Variants in MCMDC2 observed in about 807,000 individuals in gnomAD.
MCMDC2 encodes minichromosome maintenance domain-containing protein 2.
A neutral mutation model predicts 75.8 loss-of-function variants in MCMDC2; 54 were observed. The observed-to-expected ratio is 0.71, with a 90% CI of 0.57 to 0.89. The LOEUF (loss-of-function observed/expected upper bound fraction) is 0.89, where lower values mean the gene tolerates loss of function less well. Ranked by LOEUF, MCMDC2 falls within the 40% of genes least tolerant of loss-of-function variation. MCMDC2 has a pLI of 0.00. For missense variants in MCMDC2, 656 were observed against 780.4 expected, an observed-to-expected ratio of 0.84 and a Z score of 1.90; for synonymous variants, 249 against 274.6, an observed-to-expected ratio of 0.91 and a Z score of 0.92.
rs374884322 is a variant in MCMDC2, at chr8:66,905,265, G to A, written c.1809G>A (p.Arg603=). Residue 603 remains arginine, a synonymous_variant, in exon 14 of 15, where the codon AGG becomes AGA. Coordinates refer to ENST00000422365, the MANE Select transcript of MCMDC2 (RefSeq NM_173518.5). ...AAGCCCATGCACGACTGAACTTAAG[G>A]AACAAAGTGCTTAAAGAAGATGTGC... ...LSEAHARLNL[R]NKVLKEDVLI... 8.9e-5 allele frequency: 133 copies of A among 1,499,008 alleles called. No homozygotes were observed. The highest frequency in any genetic ancestry group is 1.1e-4 in the Non-Finnish European group (128 of 1,120,928). The allele number at this position is 1,499,008 out of a possible 1,614,324, so 92.9% of individuals were successfully genotyped here.
At position 66,921,611 on chromosome 8, in the gene MCMDC2, TTACATG is replaced by T. The variant is rs1256240076; in HGVS notation, c.*2446_*2451del. Reference sequence around the variant, plus strand: ...CTTAACATAGCATATTGCTTAGTTATTACATGTACTAGTATTAGGATGACTTTTTTG... The same window carrying T: ...CTTAACATAGCATATTGCTTAGTTATTACTAGTATTAGGATGACTTTTTTG... On this transcript the variant is annotated 3_prime_UTR_variant, in exon 15 of 15. Coordinates refer to ENST00000422365, the MANE Select transcript of MCMDC2 (RefSeq NM_173518.5). The T allele has an allele frequency of 2.0e-5, 3 of 152,226 alleles. No individual in the cohort carries two copies. Among genetic ancestry groups the T allele is most frequent in the African/African-American group, 7.2e-5 (3 of 41,456 alleles). 9.4% of individuals were successfully genotyped at this position (152,226 alleles called of 1,614,324 possible). A position where few individuals can be genotyped will look rare whatever the true frequency, so the allele number is the denominator to read the frequency against.
At chr8:66,906,709 T>C (rs1385495377) in intron 14 of MCMDC2, among the ~76,000 whole-genome samples, 1 of 151,912 alleles carries the variant, frequency 6.6e-6, no homozygotes, top group Admixed American at 6.6e-5. Flanking sequence ...GATATATATA[T>C]GTTTTTCATT....
intron 9 of MCMDC2, among the ~76,000 whole-genome samples, chr8:66,889,975 CATA>C (rs1170753668): frequency 7.2e-5 from 11 of 152,034 alleles, no homozygotes; most frequent in Admixed American, 2.0e-4. Flanking sequence ...GAAAGCAATC[CATA>C]AAAAGAAGAA....
At chr8:66,879,024 G>C (rs887965130) in intron 7 of MCMDC2, 105 bp downstream of exon 7, 1 of 707,384 alleles carries the variant, frequency 1.4e-6, no homozygotes, top group Non-Finnish European at 2.5e-6. Context: ...TGGAGGCTGA[G>C]GTGGGAGGAT....
chr8:66,902,710 AAATATAT>A (rs1233997089), intron 13 of MCMDC2, among the ~76,000 whole-genome samples: 8 of 115,446 alleles, frequency 6.9e-5, no homozygotes, highest in East Asian at 5.3e-4. Context: ...AAAAAAAAAA[AAATATAT>A]ATATATATAT....
At chr8:66,910,733 C>T (rs1356520173) in intron 14 of MCMDC2, among the ~76,000 whole-genome samples, 2 of 151,720 alleles carry the variant, frequency 1.3e-5, no homozygotes, top group Non-Finnish European at 2.9e-5. Flanking sequence ...CGCTTGAACC[C>T]GGGAGACGGA....
At chr8:66,887,738 A>G (rs1217819941) in intron 9 of MCMDC2, among the ~76,000 whole-genome samples, 3 of 152,294 alleles carry the variant, frequency 2.0e-5, no homozygotes, top group South Asian at 2.1e-4. Flanking sequence ...AGAGATTGGT[A>G]GGAGGTATGA....
chr8:66,920,612 T>C lies in MCMDC2; in HGVS notation c.*1443T>C, dbSNP rs549958131. The C allele has an allele frequency of 6.6e-6, 1 of 152,222 alleles. No individual in the cohort carries two copies. Among genetic ancestry groups the C allele is most frequent in the East Asian group, 1.9e-4 (1 of 5,206 alleles). The allele number at this position is 152,222 out of a possible 1,614,324, so 9.4% of individuals were successfully genotyped here. A position where few individuals can be genotyped will look rare whatever the true frequency, so the allele number is the denominator to read the frequency against. On this transcript the variant is annotated 3_prime_UTR_variant, in exon 15 of 15. Transcript: ENST00000422365. ...TCTCAAATACTACATTTCAAACATG[T>C]CTGGCTCTCTATGGGGGGAAGGCAA...
intron 12 of MCMDC2, among the ~76,000 whole-genome samples, chr8:66,899,216 T>A (rs1563382284): frequency 6.6e-6 from 1 of 152,168 alleles, no homozygotes; most frequent in Non-Finnish European, 1.5e-5. Flanking sequence ...TATAATGTCC[T>A]CCCCGACTTC....
At chr8:66,900,245 T>G (rs1244670773) in intron 12 of MCMDC2, among the ~76,000 whole-genome samples, 1 of 152,098 alleles carries the variant, frequency 6.6e-6, no homozygotes, top group Non-Finnish European at 1.5e-5. Context: ...GAGACCAGCC[T>G]GGCCAACATA....
rs1291639225 is a variant in MCMDC2, at chr8:66,877,604, C to A, written c.481+60C>A. On this transcript the variant is annotated intron_variant, in intron 5 of 14. Coordinates refer to ENST00000422365, the MANE Select transcript of MCMDC2 (RefSeq NM_173518.5). Reference sequence around the variant, plus strand: ...AATTGGCTAGGCATGGTGGCTCACACCTGTAATCCCTGCACTTTGGGAAGC... The same window carrying A: ...AATTGGCTAGGCATGGTGGCTCACAACTGTAATCCCTGCACTTTGGGAAGC... 1.1e-5 allele frequency: 14 copies of A among 1,233,444 alleles called. No individual in the cohort carries two copies. The Admixed American group carries it at 3.6e-4, about 31-fold the overall frequency. 76.4% of individuals were successfully genotyped at this position (1,233,444 alleles called of 1,614,324 possible). A position where few individuals can be genotyped will look rare whatever the true frequency, so the allele number is the denominator to read the frequency against.
In MCMDC2 at chr8:66,877,446, A is replaced by T; in HGVS notation, c.383A>T (p.Tyr128Phe). ...FPLDYTSQRF[Y>F]MMQGIVIAMT... Reference sequence around the variant, plus strand: ...CTTGATTATACATCTCAGAGATTTTATATGATGCAAGGAATTGTGATTGCA... The same window carrying T: ...CTTGATTATACATCTCAGAGATTTTTTATGATGCAAGGAATTGTGATTGCA... The change falls in exon 5 of 15, where the codon TAT becomes TTT. Residue 128 changes from tyrosine to phenylalanine, a missense_variant. By Grantham distance (22) the Tyr-to-Phe change is conservative (BLOSUM62 3). Transcript: ENST00000422365. The T allele has an allele frequency of 3.1e-6, 5 of 1,613,174 alleles. No homozygotes were observed. The highest frequency in any genetic ancestry group is 4.2e-6 in the Non-Finnish European group (5 of 1,179,512).
intron 10 of MCMDC2, among the ~76,000 whole-genome samples, chr8:66,894,543 T>C (rs1475507853): frequency 2.6e-5 from 4 of 152,222 alleles, no homozygotes; most frequent in Admixed American, 6.5e-5. Flanking sequence ...TCCACTGTCC[T>C]GGTAAAAACA....
chr8:66,919,166 A>G lies in MCMDC2; in HGVS notation c.2043A>G (p.Glu681=), dbSNP rs1456368437. 2 of 1,535,908 alleles carry G rather than the reference A, an allele frequency of 1.3e-6. No homozygotes were observed. Among genetic ancestry groups the G allele is most frequent in the South Asian group, 2.5e-5 (2 of 80,500 alleles). ...GPGTTIFSSD[E] is the part of the protein sequence containing the mutation. ...GGACAACTATTTTCTCTAGTGATGA[A>G]TAAGCAATTTGAGGAATTTTTGTTC... is the stretch of plus-strand genomic sequence containing the variant. The change falls in exon 15 of 15, where the codon GAA becomes GAG. Residue 681 remains glutamate (E), a synonymous_variant. Coordinates refer to ENST00000422365, the MANE Select transcript of MCMDC2 (RefSeq NM_173518.5).
At position 66,880,940 on chromosome 8, in the gene MCMDC2, A is replaced by G; in HGVS notation, c.801A>G (p.Ile267Met). 6.5e-7 allele frequency: 1 copy of G among 1,542,812 alleles called. No individual in the cohort carries two copies. The change falls in exon 8 of 15, where the codon ATA becomes ATG. Residue 267 changes from isoleucine (I) to methionine (M), a missense_variant. Coordinates refer to ENST00000422365, the MANE Select transcript of MCMDC2 (RefSeq NM_173518.5). ...AAACCTCACAAACTGCTGTCTGTATAGAAGCAAATAGCATAACTTTTTGTA... is the reference window on the plus strand; with the variant it reads ...AAACCTCACAAACTGCTGTCTGTATGGAAGCAAATAGCATAACTTTTTGTA... ...CVKTSQTAVC[I>M]EANSITFCNS... is the part of the protein sequence containing the mutation.
At chr8:66,893,717 CAG>C (rs1463670562) in intron 10 of MCMDC2, among the ~76,000 whole-genome samples, 1 of 152,192 alleles carries the variant, frequency 6.6e-6, no homozygotes, top group Non-Finnish European at 1.5e-5. Flanking sequence ...CAACCCATAT[CAG>C]AGAGTGTAGA....
chr8:66,894,165 C>T (rs188940482), intron 10 of MCMDC2, among the ~76,000 whole-genome samples: 7 of 152,302 alleles, frequency 4.6e-5, no homozygotes, highest in Admixed American at 3.9e-4. Context: ...CATGGGTGCA[C>T]TATAAGCCAG....
At chr8:66,914,283 C>CAAAAAAAAAAAAAAAAAAAAAAAAAAAA (rs67943900) in intron 14 of MCMDC2, among the ~76,000 whole-genome samples, 1 of 85,744 alleles carries the variant, frequency 1.2e-5, no homozygotes, top group Non-Finnish European at 2.4e-5. Flanking sequence ...ACCCTGTATC[C>CAAAAAAAAAAAAAAAAAAAAAAAAAAAA]AAAAAAAAAA....
chr8:66,894,213 A>G (rs573642370), intron 10 of MCMDC2, among the ~76,000 whole-genome samples: 1 of 152,364 alleles, frequency 6.6e-6, no homozygotes, highest in East Asian at 1.9e-4. Context: ...TCAACTGAGT[A>G]AGAGGGAATG....
Sources: gnomAD v4.1 joint callset for allele counts (sites outside exome capture counted in the v4.1 genomes callset) on GRCh38, gnomAD v4.1.1 for gene constraint, MANE v1.5 for transcripts, NCBI Gene and HGNC (gene_info 2026-07-23, HGNC 2026-07-21) for gene names.